The following PLXNA4 variants were observed in gnomAD, a reference collection of about 807,000 sequenced individuals.
PLXNA4 encodes the protein plexin A4.
PLXNA4 carries 44 observed loss-of-function variants against 191.8 expected under a neutral mutation model. The observed-to-expected ratio is 0.23, with a 90% CI of 0.18 to 0.29. PLXNA4 has a LOEUF of 0.29. Among genes scored for constraint, PLXNA4 ranks in the 10% least tolerant of loss-of-function variants. The pLI is 1.00. For synonymous variants in PLXNA4, 1,082 were observed against 1,009.5 expected, an observed-to-expected ratio of 1.07 and a Z score of -1.36; for missense variants, 1,800 against 2,488.8, an observed-to-expected ratio of 0.72 and a Z score of 5.89.
intron 1 of PLXNA4, among the ~76,000 whole-genome samples, chr7:132,540,002 T>C (rs577704428): frequency 6.6e-6 from 1 of 152,336 alleles, no homozygotes; most frequent in Admixed American, 6.5e-5. Flanking sequence ...GCCATTTCCC[T>C]TCCCCGTGGG....
At chr7:132,241,460 A>C (rs1218579816) in intron 4 of PLXNA4, among the ~76,000 whole-genome samples, 1 of 152,206 alleles carries the variant, frequency 6.6e-6, no homozygotes, top group African/African-American at 2.4e-5. Flanking sequence ...TGTTCATTTC[A>C]AGTTTTCTAC....
intron 3 of PLXNA4, among the ~76,000 whole-genome samples, chr7:132,383,125 C>T (rs1158385076): frequency 9.2e-5 from 14 of 152,100 alleles, no homozygotes; most frequent in Non-Finnish European, 1.3e-4. Context: ...CATATTGATC[C>T]CTCCATCCAT....
rs539036921 is a variant in PLXNA4, at chr7:132,321,888, A to G, written c.1372-23666T>C. ...CTGGGTGGGGCGGAGGGGGCATAGG[A>G]AGTCCTAAACTCCACCCCCAGAAGA... On this transcript the variant is annotated intron_variant, in intron 3 of 31. Coordinates refer to ENST00000321063, the MANE Select transcript of PLXNA4 (RefSeq NM_020911.2). Among the ~76,000 whole-genome samples the G allele has an allele frequency of 1.4e-3, 219 of 152,254 alleles. 2 individuals are homozygous for G. The highest frequency in any genetic ancestry group is 2.3e-3 in the Non-Finnish European group (154 of 68,024).
chr7:132,513,735 C>G (rs902164823), intron 1 of PLXNA4, among the ~76,000 whole-genome samples: 3 of 148,636 alleles, frequency 2.0e-5, no homozygotes, highest in Non-Finnish European at 1.5e-5. Flanking sequence ...TGCAGTGGCA[C>G]AATCTAGGCT....
At chr7:132,318,661 C>CTTT (rs56179808) in intron 3 of PLXNA4, among the ~76,000 whole-genome samples, 16 of 109,904 alleles carry the variant, frequency 1.5e-4, no homozygotes, top group Non-Finnish European at 2.5e-4. Flanking sequence ...ACGCACTTTG[C>CTTT]TTTTTTTTTT....
At chr7:132,640,750 G>A (rs1803725044) in intron 2 of PLXNA4, among the ~76,000 whole-genome samples, 1 of 148,422 alleles carries the variant, frequency 6.7e-6, no homozygotes, top group African/African-American at 2.5e-5. Context: ...TTGACCTTGT[G>A]ACACACCATT....
At chr7:132,159,684 C>T (rs1444317072) in intron 24 of PLXNA4, 52 bp from the exon 25 acceptor site, 2 of 1,602,460 alleles carry the variant, frequency 1.2e-6, no homozygotes, top group East Asian at 2.2e-5. Context: ...GCAGGAAAAG[C>T]TCCTAGATCC....
chr7:132,634,748 G>A lies in PLXNA4; in HGVS notation c.-87+11180C>T, dbSNP rs73724100. On this transcript the variant is annotated intron_variant, in intron 2 of 4. Coordinates refer to the PLXNA4 transcript ENST00000378539. Reference sequence around the variant, plus strand: ...GGCCACCACCTCTCACGTAGTCTGGGACACGTGGATGTGCCTGCATGCCTT... The same window carrying A: ...GGCCACCACCTCTCACGTAGTCTGGAACACGTGGATGTGCCTGCATGCCTT... Among the ~76,000 whole-genome samples, 378 of 152,302 alleles carry A rather than the reference G, an allele frequency of 2.5e-3. 1 individual carries two copies. The highest frequency in any genetic ancestry group is 8.7e-3 in the African/African-American group (361 of 41,566).
intron 3 of PLXNA4, among the ~76,000 whole-genome samples, chr7:132,404,513 C>T (rs1794129170): frequency 6.6e-6 from 1 of 152,162 alleles, no homozygotes; most frequent in African/African-American, 2.4e-5. Context: ...GCCACACAAC[C>T]AACACGGCTT....
intron 3 of PLXNA4, chr7:132,366,068 G>A (rs1400540123): frequency 1.3e-5 from 2 of 152,204 alleles, no homozygotes; most frequent in Non-Finnish European, 2.9e-5. Context: ...GGGGATGGTG[G>A]TGAGTTACCT....
intron 3 of PLXNA4, among the ~76,000 whole-genome samples, chr7:132,382,147 T>C (rs369481318): frequency 6.6e-6 from 1 of 152,222 alleles, no homozygotes; most frequent in African/African-American, 2.4e-5. Flanking sequence ...ATAGGTCACC[T>C]GCATTTGTCC....
chr7:132,641,721 G>A (rs781027696), intron 2 of PLXNA4, among the ~76,000 whole-genome samples: 6 of 151,898 alleles, frequency 4.0e-5, no homozygotes, highest in Admixed American at 6.6e-5. Context: ...TTTTTGTTTC[G>A]GTACCAAATT....
chr7:132,589,371 G>T (rs1043360317), intron 2 of PLXNA4, among the ~76,000 whole-genome samples: 1 of 152,068 alleles, frequency 6.6e-6, no homozygotes, highest in African/African-American at 2.4e-5. Context: ...TGTCTCTGCT[G>T]TTATGTTTCA....
In PLXNA4 at chr7:132,198,544, A is replaced by C; in HGVS notation, c.2679T>G (p.His893Gln). Residue 893 changes from histidine (H) to glutamine (Q), a missense_variant, in exon 13 of 32, where the codon CAT (histidine) becomes CAG (glutamine). Transcript: ENST00000321063. ...LGLEFRDIASHVKVAGVECSP... is the reference protein window; with the variant it reads ...LGLEFRDIASQVKVAGVECSP... ...TGCACTCCACGCCAGCAACCTTGAC[A>C]TGGGAGGCGATGTCGCGAAATTCCA... 3 of 1,614,238 alleles carry C rather than the reference A, an allele frequency of 1.9e-6. No homozygotes were observed. The highest frequency in any genetic ancestry group is 2.5e-6 in the Non-Finnish European group (3 of 1,180,046).
chr7:132,339,148 C>T (rs1218027454), intron 3 of PLXNA4, among the ~76,000 whole-genome samples: 2 of 152,182 alleles, frequency 1.3e-5, no homozygotes, highest in Admixed American at 6.5e-5. Flanking sequence ...GGGTAAATGG[C>T]ATTCTTGCCA....
intron 3 of PLXNA4, among the ~76,000 whole-genome samples, chr7:132,335,827 G>T (rs1475768377): frequency 6.6e-6 from 1 of 152,226 alleles, no homozygotes; most frequent in Non-Finnish European, 1.5e-5. Flanking sequence ...TGGATCTGCA[G>T]GTCTGTCCTC....
chr7:132,449,880 A>G (rs1796055646), intron 3 of PLXNA4, among the ~76,000 whole-genome samples: 1 of 152,268 alleles, frequency 6.6e-6, no homozygotes, highest in Non-Finnish European at 1.5e-5. Flanking sequence ...ATCTTCTCAA[A>G]TATTTTGGAA....
At chr7:132,624,883 G>C (rs896733310) in intron 2 of PLXNA4, among the ~76,000 whole-genome samples, 1 of 151,972 alleles carries the variant, frequency 6.6e-6, no homozygotes, top group Middle Eastern at 3.2e-3. Flanking sequence ...GTGTACAAAG[G>C]GTCCTGAGTA....
chr7:132,219,278 G>A (rs1483090798), intron 9 of PLXNA4, among the ~76,000 whole-genome samples: 2 of 152,328 alleles, frequency 1.3e-5, no homozygotes, highest in East Asian at 3.9e-4. Context: ...GGGTCACCCT[G>A]TTAGGTAAAG....
Sources: allele counts gnomAD v4.1 joint callset (sites outside exome capture counted in the v4.1 genomes callset), GRCh38; gene constraint gnomAD v4.1.1; transcripts MANE v1.5; gene names NCBI Gene and HGNC (gene_info 2026-07-23, HGNC 2026-07-21).